The following ACTR3C variants were observed in gnomAD, a reference collection of about 807,000 sequenced individuals.
ACTR3C encodes actin related protein 3C.
In ACTR3C, 18 loss-of-function variants were observed where a neutral mutation model predicts 26.3. That is an observed-to-expected ratio of 0.68 (90% CI 0.47 to 1.01). The LOEUF is 1.01. Ranked by LOEUF, ACTR3C falls within the 50% of genes least tolerant of loss-of-function variation. The pLI, the probability that ACTR3C is intolerant of heterozygous loss-of-function variation, is 0.00. For missense variants in ACTR3C, 184 were observed against 250.7 expected (o/e 0.73, Z 1.80); for synonymous variants, 55 against 94.5 (o/e 0.58, Z 2.42).
the ACTR3C span, among the ~76,000 whole-genome samples, chr7:150,093,849 A>G: frequency 6.6e-6 from 1 of 150,866 alleles, no homozygotes; most frequent in Non-Finnish European, 1.5e-5. Context: ...TTCCTCACCT[A>G]TATGTGGGGT....
At chr7:150,135,229 G>A in the ACTR3C span, among the ~76,000 whole-genome samples, 33 of 152,330 alleles carry the variant, frequency 2.2e-4, no homozygotes, top group African/African-American at 7.5e-4. Flanking sequence ...CTGAGATCGC[G>A]CCACTGCGCT....
the ACTR3C span, among the ~76,000 whole-genome samples, chr7:150,115,489 G>A: frequency 1.3e-5 from 2 of 152,188 alleles, no homozygotes; most frequent in South Asian, 4.1e-4. Context: ...TAGGGGAGTG[G>A]TGAGTCTGGG....
At chr7:150,257,127 T>C (rs1436317197) in intron 6 of ACTR3C, among the ~76,000 whole-genome samples, 1 of 152,148 alleles carries the variant, frequency 6.6e-6, no homozygotes, top group Non-Finnish European at 1.5e-5. Flanking sequence ...GTATGTAACA[T>C]ATCAAAATTA....
chr7:149,934,433 A>T, the ACTR3C span, among the ~76,000 whole-genome samples: 1 of 152,228 alleles, frequency 6.6e-6, no homozygotes, highest in Non-Finnish European at 1.5e-5. Context: ...GGATCCTGGG[A>T]AAACTGTAAC....
intron 6 of ACTR3C, among the ~76,000 whole-genome samples, chr7:150,275,894 C>G (rs1480704125): frequency 6.6e-6 from 1 of 152,154 alleles, no homozygotes; most frequent in South Asian, 2.1e-4. Context: ...TCCCTTCAAC[C>G]CCGTCTCACG....
chr7:149,973,902 TGATGGTCAGAGGGAGGAGGAG>T, the ACTR3C span, among the ~76,000 whole-genome samples: 1 of 101,434 alleles, frequency 9.9e-6, no homozygotes. Flanking sequence ...AAGGCGGGCC[TGATGGTCAGAGGGAGGAGGAG>T]GATGGGCAGA....
chr7:150,042,596 TG>T, the ACTR3C span, among the ~76,000 whole-genome samples: 1 of 147,454 alleles, frequency 6.8e-6, no homozygotes, highest in African/African-American at 2.7e-5. Context: ...CTCCCCCCAC[TG>T]CGATGGGAGT....
the ACTR3C span, among the ~76,000 whole-genome samples, chr7:150,117,754 C>T: frequency 6.6e-6 from 1 of 152,356 alleles, no homozygotes; most frequent in South Asian, 2.1e-4. Context: ...ACTGCCTCCT[C>T]AAGTGGGTCC....
chr7:150,266,844 G>T (rs1280515303), intron 6 of ACTR3C, among the ~76,000 whole-genome samples: 1 of 152,216 alleles, frequency 6.6e-6, no homozygotes, highest in Non-Finnish European at 1.5e-5. Flanking sequence ...TTGTCATCAG[G>T]ATCATACAGC....
chr7:150,314,590 G>A (rs1320105415), intron 1 of ACTR3C, among the ~76,000 whole-genome samples: 2 of 151,726 alleles, frequency 1.3e-5, no homozygotes, highest in East Asian at 1.9e-4. Flanking sequence ...GTTTTTTGTG[G>A]GTATCTGAAG....
the ACTR3C span, among the ~76,000 whole-genome samples, chr7:150,006,439 C>T: frequency 2.3e-4 from 34 of 147,982 alleles, no homozygotes; most frequent in African/African-American, 5.5e-4. Context: ...CTTTGTGATC[C>T]GCCCGCCTCG....
the ACTR3C span, among the ~76,000 whole-genome samples, chr7:149,896,725 A>C: frequency 9.4e-3 from 1,436 of 151,988 alleles, 44 homozygotes; most frequent in African/African-American, 0.033. Context: ...AACTGACCTG[A>C]AATCAGAGAT....
the ACTR3C span, among the ~76,000 whole-genome samples, chr7:150,077,854 A>G: frequency 3.9e-5 from 6 of 152,176 alleles, no homozygotes; most frequent in Non-Finnish European, 4.4e-5. Flanking sequence ...GCCAGGAAAG[A>G]TTTCTTCTTC....
At chr7:149,985,127 C>T in the ACTR3C span, among the ~76,000 whole-genome samples, 1 of 151,542 alleles carries the variant, frequency 6.6e-6, no homozygotes, top group East Asian at 1.9e-4. Context: ...GATGGGATTT[C>T]AGGTTCCAGT....
chr7:150,180,737 C>A, the ACTR3C span, among the ~76,000 whole-genome samples: 2 of 149,216 alleles, frequency 1.3e-5, no homozygotes, highest in Non-Finnish European at 2.9e-5. Flanking sequence ...GTCTCTATCT[C>A]CTGACCTCGT....
chr7:150,240,662 A>C (rs191793316), downstream of ACTR3C, among the ~76,000 whole-genome samples: 239 of 152,342 alleles, frequency 1.6e-3, no homozygotes, highest in African/African-American at 5.4e-3. Context: ...AACAACAACA[A>C]AAAAGCCTTA....
the ACTR3C span, among the ~76,000 whole-genome samples, chr7:149,968,851 G>T: frequency 2.6e-5 from 4 of 151,770 alleles, no homozygotes; most frequent in African/African-American, 7.3e-5. Context: ...GTGCCTGTTG[G>T]GGGTAAGGTA....
the ACTR3C span, among the ~76,000 whole-genome samples, chr7:150,085,373 G>A: frequency 7.9e-5 from 12 of 152,146 alleles, no homozygotes; most frequent in African/African-American, 2.4e-4. Context: ...AGACAGAACC[G>A]GTTGAGGAAA....
At chr7:150,073,308 G>A in the ACTR3C span, among the ~76,000 whole-genome samples, 6 of 151,966 alleles carry the variant, frequency 3.9e-5, no homozygotes, top group South Asian at 8.3e-4. Context: ...GAAAGTGATG[G>A]CTATAATAAG....
Sources: gnomAD v4.1 joint callset for allele counts (sites outside exome capture counted in the v4.1 genomes callset) on GRCh38, gnomAD v4.1.1 for gene constraint, MANE v1.5 for transcripts, NCBI Gene and HGNC (gene_info 2026-07-23, HGNC 2026-07-21) for gene names.